The following KIAA1671 variants were observed in gnomAD, a reference collection of about 807,000 sequenced individuals.
KIAA1671 encodes the protein uncharacterized protein KIAA1671.
In KIAA1671, 52 loss-of-function variants were observed where a neutral mutation model predicts 131.2. The ratio of observed to expected loss-of-function variants is 0.40; its 90% confidence interval spans 0.32 to 0.50. The LOEUF is 0.50. Ranked by LOEUF, KIAA1671 falls within the 20% of genes least tolerant of loss-of-function variation. The probability of loss-of-function intolerance (pLI) is 0.73; values close to 1 mark genes in which losing one functional copy is unlikely to be tolerated. For missense variants in KIAA1671, 2,360 were observed against 2,364.2 expected, an observed-to-expected ratio of 1.00 and a Z score of 0.04; for synonymous variants, 1,003 against 961.6, an observed-to-expected ratio of 1.04 and a Z score of -0.80.
chr22:25,049,524 G>C (rs1053228370), intron 6 of KIAA1671, 160 bp downstream of exon 6: 17 of 767,530 alleles, frequency 2.2e-5, no homozygotes, highest in Non-Finnish European at 3.2e-5. Context: ...GACTAGCTGT[G>C]TTGTGGTTCT....
At chr22:25,081,843 T>C (rs1394840569) in intron 6 of KIAA1671, among the ~76,000 whole-genome samples, 2 of 152,042 alleles carry the variant, frequency 1.3e-5, no homozygotes, top group African/African-American at 4.8e-5. Flanking sequence ...GGAGGATCAT[T>C]TGAGGCCTTG....
chr22:25,046,257 G>A lies in KIAA1671; in HGVS notation c.4396-2973G>A, dbSNP rs555712193. On this transcript the variant is annotated intron_variant, in intron 5 of 12. Transcript: ENST00000358431. ...GCGGAGATTGTAGTGAGCGGAGATCGTGCCACTGCACTCCAGCTTGGGCAA... is the reference window on the plus strand; with the variant it reads ...GCGGAGATTGTAGTGAGCGGAGATCATGCCACTGCACTCCAGCTTGGGCAA... 2.8e-3 allele frequency among the ~76,000 whole-genome samples: 429 copies of A among 152,150 alleles called. 1 individual carries two copies. The highest frequency in any genetic ancestry group is 4.0e-3 in the Non-Finnish European group (275 of 68,002).
chr22:25,025,260 C>A (rs1925881164), intron 1 of KIAA1671, among the ~76,000 whole-genome samples: 1 of 143,700 alleles, frequency 7.0e-6, no homozygotes, highest in East Asian at 2.0e-4. Flanking sequence ...CTATTTGCCC[C>A]CACATCCTGC....
chr22:25,005,772 C>G (rs1723562879), intron 1 of KIAA1671, among the ~76,000 whole-genome samples: 1 of 152,158 alleles, frequency 6.6e-6, no homozygotes, highest in Non-Finnish European at 1.5e-5. Context: ...GGGGTCAGAC[C>G]ATCAGCCCTG....
chr22:24,958,994 AAAAAG>A lies in KIAA1671; in HGVS notation c.-208+6237_-208+6241del, dbSNP rs1555946878. 4.7e-5 allele frequency among the ~76,000 whole-genome samples: 7 copies of A among 149,890 alleles called. No homozygotes were observed. In the East Asian group the frequency reaches 1.2e-3, roughly 25 times the overall value. On this transcript the variant is annotated intron_variant, in intron 1 of 12. Coordinates refer to ENST00000358431, the MANE Select transcript of KIAA1671 (RefSeq NM_001145206.2). ...AAACTTCGTATCAAAAAAAAAAAAA[AAAAAG>A]AAAAGAAAAGAAAAAAAATTAGCCT...
At chr22:25,086,767 G>A (rs1037896828) in intron 6 of KIAA1671, among the ~76,000 whole-genome samples, 13 of 152,216 alleles carry the variant, frequency 8.5e-5, no homozygotes, top group African/African-American at 2.7e-4. Context: ...CTGGCTCTGA[G>A]TGTGACCAAG....
chr22:24,955,413 G>C (rs185729966), intron 1 of KIAA1671, among the ~76,000 whole-genome samples: 75 of 152,138 alleles, frequency 4.9e-4, no homozygotes, highest in Non-Finnish European at 1.1e-3. Flanking sequence ...GGAGGGATGC[G>C]GGTCAGAGAG....
intron 1 of KIAA1671, among the ~76,000 whole-genome samples, chr22:25,001,675 G>T (rs1375351239): frequency 6.6e-6 from 1 of 152,034 alleles, no homozygotes; most frequent in East Asian, 1.9e-4. Flanking sequence ...ATCCTTTAGG[G>T]CACTTTCTAT....
chr22:25,105,618 G>T (rs553188653), intron 6 of KIAA1671, among the ~76,000 whole-genome samples: 1 of 152,128 alleles, frequency 6.6e-6, no homozygotes, highest in Admixed American at 6.5e-5. Context: ...CTTGCAGACC[G>T]CTCTGTACCT....
chr22:25,170,164 C>T (rs1419632562), intron 6 of KIAA1671, among the ~76,000 whole-genome samples: 1 of 152,144 alleles, frequency 6.6e-6, no homozygotes, highest in East Asian at 1.9e-4. Context: ...CCGCCCACCT[C>T]GGCCTCCCAA....
At position 25,029,078 on chromosome 22, in the gene KIAA1671, C is replaced by T. The variant is rs1359757193; in HGVS notation, c.1079C>T (p.Ser360Leu). The T allele has an allele frequency of 1.5e-5, 22 of 1,497,366 alleles. No individual in the cohort carries two copies. The highest frequency in any genetic ancestry group is 1.8e-5 in the Non-Finnish European group (20 of 1,121,250). 92.8% of individuals were successfully genotyped at this position (1,497,366 alleles called of 1,614,324 possible). ...KIRERKEKML[S>L]KPEMGSPRAL... is the part of the protein sequence containing the mutation. Reference sequence around the variant, plus strand: ...CGTGAACGGAAGGAGAAGATGCTTTCGAAGCCGGAGATGGGCAGCCCCAGA... The same window carrying T: ...CGTGAACGGAAGGAGAAGATGCTTTTGAAGCCGGAGATGGGCAGCCCCAGA... Residue 360 changes from serine (S) to leucine (L), a missense_variant, in exon 3 of 13, where the codon TCG becomes TTG. Ser to Leu is a moderately radical substitution (Grantham distance 145, BLOSUM62 -2). This residue lies in a region of KIAA1671 where 1,185 missense variants were observed against 1,126.2 expected (regional missense o/e 1.05). Transcript: ENST00000358431.
At chr22:25,148,282 G>A (rs1932928933) in intron 6 of KIAA1671, among the ~76,000 whole-genome samples, 2 of 122,892 alleles carry the variant, frequency 1.6e-5, no homozygotes, top group Admixed American at 8.8e-5. Flanking sequence ...CCCTCCCTCA[G>A]TCCCAGCCCT....
At chr22:25,018,393 T>TA (rs1925460482) in intron 1 of KIAA1671, among the ~76,000 whole-genome samples, 1 of 152,072 alleles carries the variant, frequency 6.6e-6, no homozygotes, top group Non-Finnish European at 1.5e-5. Context: ...TTTTTTTTTT[T>TA]AATTGCAGTA....
intron 6 of KIAA1671, among the ~76,000 whole-genome samples, chr22:25,161,820 G>A (rs1279594689): frequency 6.6e-6 from 1 of 152,188 alleles, no homozygotes; most frequent in Non-Finnish European, 1.5e-5. Flanking sequence ...GATGGCCTGT[G>A]GTGACCAGAG....
chr22:25,077,957 G>C (rs894017260), intron 6 of KIAA1671, among the ~76,000 whole-genome samples: 2 of 152,206 alleles, frequency 1.3e-5, no homozygotes, highest in Non-Finnish European at 1.5e-5. Flanking sequence ...AAGTGCCTCA[G>C]TGTGTGGGAT....
At chr22:25,138,373 C>A (rs1296793820) in intron 6 of KIAA1671, among the ~76,000 whole-genome samples, 4 of 152,186 alleles carry the variant, frequency 2.6e-5, no homozygotes, top group Non-Finnish European at 5.9e-5. Flanking sequence ...CACATGACTG[C>A]ACCTGAGACC....
chr22:25,061,229 G>A (rs1411944940), intron 6 of KIAA1671: 1 of 152,218 alleles, frequency 6.6e-6, no homozygotes, highest in Non-Finnish European at 1.5e-5. Context: ...TTCTCTTAAG[G>A]AGATGTATTT....
At chr22:25,085,021 C>T (rs545858099) in intron 6 of KIAA1671, among the ~76,000 whole-genome samples, 34 of 152,372 alleles carry the variant, frequency 2.2e-4, no homozygotes, top group African/African-American at 7.9e-4. Flanking sequence ...CATAGCGTCA[C>T]TTCTGTTCTC....
chr22:25,029,361 G>A lies in KIAA1671; in HGVS notation c.1362G>A (p.Val454=), dbSNP rs1926140442. The A allele has an allele frequency of 6.4e-7, 1 of 1,551,150 alleles. No individual in the cohort carries two copies. The highest frequency in any genetic ancestry group is 8.7e-7 in the Non-Finnish European group (1 of 1,146,732). Residue 454 remains valine (V), a synonymous_variant, in exon 3 of 13, where the codon GTG becomes GTA. Coordinates refer to ENST00000358431, the MANE Select transcript of KIAA1671 (RefSeq NM_001145206.2). ...AGGACAGCACCTTGGCCTTGGCAGTGGGGTCTGAATCTCCCCTGGCCACCC... is the reference window on the plus strand; with the variant it reads ...AGGACAGCACCTTGGCCTTGGCAGTAGGGTCTGAATCTCCCCTGGCCACCC... ...FREDSTLALA[V]GSESPLATPA... is the part of the protein sequence containing the mutation.
Sources: allele counts gnomAD v4.1 joint callset (sites outside exome capture counted in the v4.1 genomes callset), GRCh38; gene constraint gnomAD v4.1.1; regional missense constraint gnomAD v4.1.1; transcripts MANE v1.5; gene names NCBI Gene and HGNC (gene_info 2026-07-23, HGNC 2026-07-21).